Variants in TIAM2 observed in about 807,000 individuals in gnomAD.
TIAM2 encodes the protein rho guanine nucleotide exchange factor TIAM2.
TIAM2 carries 80 observed loss-of-function variants against 152.9 expected under a neutral mutation model. The ratio of observed to expected loss-of-function variants is 0.52; its 90% CI spans 0.44 to 0.63. The LOEUF is 0.63. Among genes scored for constraint, TIAM2 ranks in the 30% least tolerant of loss-of-function variants. The pLI is 0.00. For missense variants in TIAM2, 1,965 were observed against 2,120.1 expected (o/e 0.93, Z 1.44); for synonymous variants, 804 against 838.0 (o/e 0.96, Z 0.70).
intron 1 of TIAM2, among the ~76,000 whole-genome samples, chr6:155,050,822 T>C (rs1166857565): frequency 6.6e-6 from 1 of 152,244 alleles, no homozygotes; most frequent in Non-Finnish European, 1.5e-5. Context: ...TAGGCATCTA[T>C]TTTATTCCTT....
intron 22 of TIAM2, among the ~76,000 whole-genome samples, chr6:155,251,314 TTTGC>T (rs1328026168): frequency 1.3e-5 from 2 of 152,204 alleles, no homozygotes; most frequent in Non-Finnish European, 2.9e-5. Context: ...GAGACGAGGT[TTTGC>T]TCTTGTTGCC....
chr6:155,225,779 A>C (rs767234581), intron 15 of TIAM2, among the ~76,000 whole-genome samples: 1 of 152,244 alleles, frequency 6.6e-6, no homozygotes, highest in South Asian at 2.1e-4. Context: ...ATACTTATAT[A>C]AATAAAGATA....
chr6:155,150,946 G>A (rs1324032961), intron 7 of TIAM2, among the ~76,000 whole-genome samples: 2 of 152,176 alleles, frequency 1.3e-5, no homozygotes, highest in African/African-American at 4.8e-5. Context: ...CACGCAAACA[G>A]TTCTTAACAG....
chr6:154,998,475 C>T (rs1778258417), intron 1 of TIAM2, among the ~76,000 whole-genome samples: 2 of 152,078 alleles, frequency 1.3e-5, no homozygotes, highest in Admixed American at 1.3e-4. Flanking sequence ...GGGCCATTTG[C>T]AAGCTGAATT....
chr6:155,251,081 C>A, intron 22 of TIAM2, 60 bp downstream of exon 22: 1 of 1,423,742 alleles, frequency 7.0e-7, no homozygotes, highest in Non-Finnish European at 9.9e-7. Flanking sequence ...GGAAGAACTT[C>A]ACTAGCCGCA....
intron 25 of TIAM2, 62 bp downstream of exon 25, chr6:155,254,122 G>A (rs1307539840): frequency 2.9e-5 from 45 of 1,534,778 alleles, no homozygotes; most frequent in Non-Finnish European, 3.9e-5. Context: ...TCTCTTAAGG[G>A]AATTTATATT....
chr6:155,251,788 G>A (rs571113745), intron 22 of TIAM2, among the ~76,000 whole-genome samples, 157 bp from the exon 23 acceptor site: 3 of 152,294 alleles, frequency 2.0e-5, no homozygotes, highest in Admixed American at 6.5e-5. Context: ...AAATATGAGC[G>A]AAAGGGAAGT....
At chr6:155,034,605 G>A (rs979042023) in intron 1 of TIAM2, among the ~76,000 whole-genome samples, 12 of 152,086 alleles carry the variant, frequency 7.9e-5, no homozygotes, top group Admixed American at 4.6e-4. Context: ...GATGTTTGCT[G>A]CCTTCCTGCA....
chr6:155,213,431 G>C lies in TIAM2; in HGVS notation c.3168+2124G>C, dbSNP rs1781769163. Among the ~76,000 whole-genome samples, 1 of 152,148 alleles carries C rather than the reference G, an allele frequency of 6.6e-6. No individual in the cohort carries two copies. Among genetic ancestry groups the C allele is most frequent in the African/African-American group, 2.4e-5 (1 of 41,440 alleles). On this transcript the variant is annotated intron_variant, in intron 15 of 26. Coordinates refer to ENST00000682666, the MANE Select transcript of TIAM2 (RefSeq NM_012454.4). This position sits in a 1 kb window ranked among gnomAD's most constrained non-coding sequence, Gnocchi z 4.2. ...AGCTTTAAGCAGAGAGGAGACCCTG[G>C]AGTAGCTCCTCTCCTCAGCTGGTTG... is the stretch of plus-strand genomic sequence containing the variant.
chr6:155,057,100 T>A (rs1327155177), intron 1 of TIAM2, among the ~76,000 whole-genome samples: 2 of 143,024 alleles, frequency 1.4e-5, no homozygotes, highest in Non-Finnish European at 3.0e-5. Flanking sequence ...GCAATCTCGG[T>A]TCACTGCATC....
At position 155,087,852 on chromosome 6, in the gene TIAM2, A is replaced by G. The variant is rs142693523; in HGVS notation, c.-208-2437A>G. Among the ~76,000 whole-genome samples, 864 of 152,088 alleles carry G rather than the reference A, an allele frequency of 5.7e-3. 7 individuals carry two copies. Among genetic ancestry groups the G allele is most frequent in the African/African-American group, 0.019 (774 of 41,478 alleles). On this transcript the variant is annotated intron_variant, in intron 1 of 26. Transcript: ENST00000682666. ...TAAGTAAATATGGAATGTATTCTAT[A>G]AGGTAGGCATTCTTGACCAGATATA...
chr6:155,056,442 G>C (rs1456733701), intron 1 of TIAM2, among the ~76,000 whole-genome samples: 1 of 152,034 alleles, frequency 6.6e-6, no homozygotes, highest in Non-Finnish European at 1.5e-5. Context: ...AAAGTGCTGG[G>C]ATTACAGGCG....
At chr6:155,083,908 A>G (rs559716162) in intron 1 of TIAM2, among the ~76,000 whole-genome samples, 38 of 152,362 alleles carry the variant, frequency 2.5e-4, no homozygotes, top group African/African-American at 8.7e-4. Flanking sequence ...ATGCACCAAG[A>G]GAACCAGGCA....
At chr6:155,148,770 A>G (rs1211472222) in intron 7 of TIAM2, among the ~76,000 whole-genome samples, 1 of 152,214 alleles carries the variant, frequency 6.6e-6, no homozygotes, top group African/African-American at 2.4e-5. Context: ...GCAAAAAAAC[A>G]GTAATTTTTC....
chr6:155,003,613 AG>A (rs1326721748), intron 1 of TIAM2, among the ~76,000 whole-genome samples: 2 of 152,146 alleles, frequency 1.3e-5, no homozygotes, highest in Non-Finnish European at 2.9e-5. Context: ...CCGGGGCCAA[AG>A]GGGACACTCT....
At chr6:155,168,891 C>T (rs1780507171) in intron 9 of TIAM2, 3 of 1,535,412 alleles carry the variant, frequency 2.0e-6, no homozygotes, top group Non-Finnish European at 2.6e-6. Context: ...ACTCAGCTAC[C>T]TCAAAACTCC....
intron 1 of TIAM2, among the ~76,000 whole-genome samples, chr6:155,087,391 A>G (rs779746796): frequency 6.6e-5 from 10 of 152,378 alleles, no homozygotes; most frequent in Middle Eastern, 3.4e-3. Flanking sequence ...AAAGATTGTC[A>G]GTATGATGTA....
intron 12 of TIAM2, among the ~76,000 whole-genome samples, chr6:155,180,267 CAA>C (rs1383817196): frequency 6.6e-6 from 1 of 152,166 alleles, no homozygotes; most frequent in East Asian, 1.9e-4. Context: ...GCCTGGGCGA[CAA>C]GAGCGAAACT....
At chr6:155,044,886 T>C (rs1777131850) in intron 1 of TIAM2, among the ~76,000 whole-genome samples, 1 of 152,114 alleles carries the variant, frequency 6.6e-6, no homozygotes, top group South Asian at 2.1e-4. Context: ...CTATTAACTT[T>C]GTGTTTTGCT....
Sources: gnomAD v4.1 joint callset for allele counts (sites outside exome capture counted in the v4.1 genomes callset) on GRCh38, gnomAD v4.1.1 for gene constraint, Gnocchi (gnomAD v3.1) non-coding constraint, MANE v1.5 for transcripts, NCBI Gene and HGNC (gene_info 2026-07-23, HGNC 2026-07-21) for gene names.